SPATA22: variants seen among roughly 807,000 people sequenced by gnomAD.
The protein encoded by SPATA22 is spermatogenesis-associated protein 22.
In SPATA22, 29 loss-of-function variants were observed where a neutral mutation model predicts 47.8. That is an observed-to-expected ratio of 0.61 (90% CI 0.45 to 0.83). The LOEUF is 0.83. SPATA22 is among the 40% of genes least tolerant of loss of function. SPATA22 has a pLI of 0.00. For synonymous variants in SPATA22, 133 were observed against 140.9 expected (o/e 0.94, Z 0.40); for missense variants, 410 against 421.7 (o/e 0.97, Z 0.24).
chr17:3,477,630 T>G (rs966645913), intron 1 of SPATA22, among the ~76,000 whole-genome samples: 2 of 152,044 alleles, frequency 1.3e-5, no homozygotes, highest in African/African-American at 4.8e-5. Context: ...TTTTTTGTAT[T>G]TTTAGTAGAG....
intron 5 of SPATA22, among the ~76,000 whole-genome samples, chr17:3,453,552 A>G (rs2072912424): frequency 6.6e-6 from 1 of 152,194 alleles, no homozygotes; most frequent in South Asian, 2.1e-4. Flanking sequence ...ATAATGGGGG[A>G]AAACTGAAAG....
intron 1 of SPATA22, chr17:3,481,790 T>A: frequency 6.2e-7 from 1 of 1,601,070 alleles, no homozygotes; most frequent in Non-Finnish European, 8.5e-7. Flanking sequence ...GATGTTTCAT[T>A]ACATTAAGGT....
chr17:3,493,052 T>C (rs1346846516), intron 1 of SPATA22, among the ~76,000 whole-genome samples: 1 of 152,184 alleles, frequency 6.6e-6, no homozygotes, highest in East Asian at 1.9e-4. Context: ...TTCCTTTGAG[T>C]TGTGACCATA....
intron 1 of SPATA22, chr17:3,513,072 C>A: frequency 6.6e-6 from 1 of 152,638 alleles, no homozygotes; most frequent in Non-Finnish European, 1.5e-5. Context: ...CTCATGCAGA[C>A]TTTTGTGTGT....
At chr17:3,480,157 G>T (rs1291785645) in intron 1 of SPATA22, among the ~76,000 whole-genome samples, 1 of 152,192 alleles carries the variant, frequency 6.6e-6, no homozygotes, top group African/African-American at 2.4e-5. Flanking sequence ...CACTTTGGGA[G>T]GCCAAGGCAG....
At chr17:3,486,631 A>G (rs1166437419) in intron 1 of SPATA22, among the ~76,000 whole-genome samples, 3 of 152,202 alleles carry the variant, frequency 2.0e-5, no homozygotes, top group Non-Finnish European at 4.4e-5. Context: ...TAGCATAATT[A>G]ATTATCTGCA....
intron 1 of SPATA22, among the ~76,000 whole-genome samples, chr17:3,480,641 G>A (rs1343985650): frequency 2.6e-5 from 4 of 152,192 alleles, no homozygotes; most frequent in Non-Finnish European, 4.4e-5. Flanking sequence ...CCCTCCAGCT[G>A]CATGACTCCT....
intron 1 of SPATA22, among the ~76,000 whole-genome samples, chr17:3,496,355 A>G (rs61697033): frequency 0.023 from 3,460 of 152,334 alleles, 128 homozygotes; most frequent in African/African-American, 0.077. Context: ...TAAAAGAAAT[A>G]CACAAAATAA....
intron 1 of SPATA22, among the ~76,000 whole-genome samples, chr17:3,484,586 C>G (rs2073687492): frequency 6.6e-6 from 1 of 152,186 alleles, no homozygotes; most frequent in Non-Finnish European, 1.5e-5. Context: ...TTGAAATTAT[C>G]TGTGATGAAA....
Position 3,448,874 on chromosome 17 carries a change from G to A in SPATA22, c.605C>T (p.Pro202Leu), listed in dbSNP as rs2072788102. 6.2e-7 allele frequency: 1 copy of A among 1,613,350 alleles called. No homozygotes were observed. Among genetic ancestry groups the A allele is most frequent in the African/African-American group, 1.3e-5 (1 of 74,848 alleles). ...CTTATATTGATTTTGTTGAAAATTGGGCTTAAGTGTCTGTAGTGCACTGTT... is the reference window on the plus strand; with the variant it reads ...CTTATATTGATTTTGTTGAAAATTGAGCTTAAGTGTCTGTAGTGCACTGTT... ...DKNSALQTLK[P>L]NFQQNQYKKQ... The change falls in exon 6 of 9, where the codon CCC (proline) becomes CTC (leucine). Residue 202 changes from proline to leucine, a missense_variant. Coordinates refer to ENST00000572969, the MANE Select transcript of SPATA22 (RefSeq NM_001170698.2).
At chr17:3,446,008 T>C (rs549024372) in intron 7 of SPATA22, among the ~76,000 whole-genome samples, 1 of 152,222 alleles carries the variant, frequency 6.6e-6, no homozygotes, top group African/African-American at 2.4e-5. Context: ...TCTATTTCCT[T>C]AATTTTTCCA....
intron 1 of SPATA22, among the ~76,000 whole-genome samples, chr17:3,492,762 C>A (rs2073845965): frequency 6.6e-6 from 1 of 152,118 alleles, no homozygotes; most frequent in Non-Finnish European, 1.5e-5. Context: ...AGCTGACAGC[C>A]CATCAGACAT....
At chr17:3,455,551 G>A (rs555115553) in intron 5 of SPATA22, among the ~76,000 whole-genome samples, 2 of 141,866 alleles carry the variant, frequency 1.4e-5, no homozygotes, top group Admixed American at 7.5e-5. Context: ...ATTAAATAGG[G>A]AATCCTTTCC....
rs1411955239 is a variant in SPATA22 at position 3,490,551 on chromosome 17, G to T, written c.-73-21153C>A. On this transcript the variant is annotated intron_variant, in intron 1 of 8. Coordinates refer to the SPATA22 transcript ENST00000541913. The surrounding 1 kb of genome is among the most constrained non-coding windows in gnomAD (Gnocchi z 4.6). Reference sequence around the variant, plus strand: ...AACCTCAGATCGTGCGCACCCCACTGCAATCACAGACATTCGTTTTGTGCT... The same window carrying T: ...AACCTCAGATCGTGCGCACCCCACTTCAATCACAGACATTCGTTTTGTGCT... 6.6e-6 allele frequency among the ~76,000 whole-genome samples: 1 copy of T among 152,072 alleles called. No individual in the cohort carries two copies. The highest frequency in any genetic ancestry group is 6.5e-5 in the Admixed American group (1 of 15,272).
intron 1 of SPATA22, among the ~76,000 whole-genome samples, chr17:3,469,831 C>T (rs914907739): frequency 6.6e-6 from 1 of 152,156 alleles, no homozygotes; most frequent in African/African-American, 2.4e-5. Flanking sequence ...GCCTTTGCAT[C>T]AGTTTGAAAT....
rs1396106666 is a variant in SPATA22, at chr17:3,505,345, G to A, written c.-74+8067C>T. ...GATAGCATTTGTCTTATTCTTTGTC[G>A]TACACACAGCACTTCACGCATAGAA... On this transcript the variant is annotated intron_variant, in intron 1 of 8. Transcript: ENST00000541913. 2.6e-5 allele frequency among the ~76,000 whole-genome samples: 4 copies of A among 152,200 alleles called. No individual in the cohort carries two copies. The South Asian group carries it at 6.2e-4, about 24-fold the overall frequency.
chr17:3,451,957 A>AAAAAAAAG (rs2072872198), intron 5 of SPATA22, among the ~76,000 whole-genome samples: 1 of 151,698 alleles, frequency 6.6e-6, no homozygotes, highest in Non-Finnish European at 1.5e-5. Context: ...AATTAAAAAA[A>AAAAAAAAG]AAAAAAAGAA....
chr17:3,467,626 G>C, intron 2 of SPATA22, 72 bp from the exon 3 acceptor site: 1 of 1,226,514 alleles, frequency 8.2e-7, no homozygotes. Flanking sequence ...ATAATTACTA[G>C]TATAATACAC....
intron 1 of SPATA22, among the ~76,000 whole-genome samples, chr17:3,493,236 C>T (rs993707474): frequency 1.3e-5 from 2 of 152,162 alleles, no homozygotes; most frequent in Non-Finnish European, 1.5e-5. Context: ...GATCTCATTA[C>T]TCAGGAGCTG....
Sources: gnomAD v4.1 joint callset for allele counts (sites outside exome capture counted in the v4.1 genomes callset) on GRCh38, gnomAD v4.1.1 for gene constraint, Gnocchi (gnomAD v3.1) non-coding constraint, MANE v1.5 for transcripts, NCBI Gene and HGNC (gene_info 2026-07-23, HGNC 2026-07-21) for gene names.